The following DLC1 variants were observed in gnomAD, a reference collection of about 807,000 sequenced individuals.
DLC1 encodes rho GTPase-activating protein 7.
Under a neutral mutation model 140.3 loss-of-function variants are expected in DLC1, and 54 were observed. That is an observed-to-expected ratio of 0.38 (90% confidence interval 0.31 to 0.48). DLC1 has a LOEUF of 0.48. Ranked by LOEUF, DLC1 falls within the 20% of genes least tolerant of loss-of-function variation. DLC1 has a pLI of 0.96. For missense variants in DLC1, 2,536 were observed against 1,907.0 expected, an observed-to-expected ratio of 1.33 and a Z score of -6.14; for synonymous variants, 986 against 728.1, an observed-to-expected ratio of 1.35 and a Z score of -5.70.
In DLC1 at chr8:13,389,332, G is replaced by A. The variant is rs965325158; in HGVS notation, c.1314+4221C>T. Among the ~76,000 whole-genome samples the A allele has an allele frequency of 2.6e-5, 4 of 152,104 alleles. No individual in the cohort carries two copies. The East Asian group carries it at 7.7e-4, about 29-fold the overall frequency. ...AATACCAGGAACAACTCAAGCCACT[G>A]AAGAGAGTGATATCAGTGTACTGTT... is the stretch of plus-strand genomic sequence containing the variant. On this transcript the variant is annotated intron_variant, in intron 4 of 17. Transcript: ENST00000276297.
chr8:13,312,571 A>T (rs1832721268), intron 4 of DLC1, among the ~76,000 whole-genome samples: 1 of 151,860 alleles, frequency 6.6e-6, no homozygotes, highest in Non-Finnish European at 1.5e-5. Context: ...TCCTTTTCAG[A>T]ATTTAATAAA....
intron 5 of DLC1, among the ~76,000 whole-genome samples, chr8:13,301,228 A>AAT (rs1264844583): frequency 6.6e-6 from 1 of 152,160 alleles, no homozygotes; most frequent in Non-Finnish European, 1.5e-5. Context: ...ATAGACAAAA[A>AAT]AAAAAAAATC....
rs756551119 is a variant in DLC1 at position 13,479,838 on chromosome 8, G to GAAAAGGAAAAGAAAGAAAGAA, written c.1023+19210_1023+19211insTTCTTTCTTTCTTTTCCTTTT. Among the ~76,000 whole-genome samples the GAAAAGGAAAAGAAAGAAAGAA allele has an allele frequency of 2.8e-3, 61 of 21,730 alleles. 1 individual carries two copies. Among genetic ancestry groups the GAAAAGGAAAAGAAAGAAAGAA allele is most frequent in the Middle Eastern group, 0.045 (1 of 22 alleles). 14.3% of individuals were successfully genotyped at this position (21,730 alleles called of 152,430 possible). Reference sequence around the variant, plus strand: ...AGAAGAAGAAGAAGAAGAAGAAGAAGAAGAAGAAGAAGAAGAAGAAGAGAA... The same window carrying GAAAAGGAAAAGAAAGAAAGAA: ...AGAAGAAGAAGAAGAAGAAGAAGAAGAAAAGGAAAAGAAAGAAAGAAAAGAAGAAGAAGAAGAAGAAGAGAA... On this transcript the variant is annotated intron_variant, in intron 2 of 17. Coordinates refer to ENST00000276297, the MANE Select transcript of DLC1 (RefSeq NM_182643.3).
chr8:13,350,883 C>T (rs1834627033), intron 4 of DLC1, among the ~76,000 whole-genome samples: 1 of 152,214 alleles, frequency 6.6e-6, no homozygotes, highest in African/African-American at 2.4e-5. Context: ...AAGTATAATA[C>T]TCATTCTTTT....
At chr8:13,133,408 C>A (rs570077787) in intron 5 of DLC1, 3 of 687,778 alleles carry the variant, frequency 4.4e-6, no homozygotes, top group South Asian at 4.3e-5. Context: ...TAGCGACGGG[C>A]TGTTCTCCGG....
chr8:13,131,556 A>G (rs13255103), intron 5 of DLC1, among the ~76,000 whole-genome samples: 69,537 of 150,428 alleles, frequency 0.46, 16,207 homozygotes, highest in Admixed American at 0.56. Context: ...TGGGGATGGG[A>G]AAAGGTGGGG....
At chr8:13,522,039 T>C (rs1269882566) in intron 1 of DLC1, among the ~76,000 whole-genome samples, 1 of 152,106 alleles carries the variant, frequency 6.6e-6, no homozygotes, top group Non-Finnish European at 1.5e-5. Context: ...ATTTGTACTT[T>C]AACAGAAATT....
chr8:13,464,217 A>G (rs538970050), intron 2 of DLC1, among the ~76,000 whole-genome samples: 1 of 152,304 alleles, frequency 6.6e-6, no homozygotes, highest in South Asian at 2.1e-4. Context: ...TGTGTGGTGA[A>G]GAAGGCCAAG....
At chr8:13,131,466 C>T (rs1299047504) in intron 5 of DLC1, among the ~76,000 whole-genome samples, 1 of 152,172 alleles carries the variant, frequency 6.6e-6, no homozygotes, top group Non-Finnish European at 1.5e-5. Flanking sequence ...CCAGTAATCG[C>T]CGAAACAACC....
chr8:13,150,461 C>A (rs962594491), intron 5 of DLC1, among the ~76,000 whole-genome samples: 2 of 152,094 alleles, frequency 1.3e-5, no homozygotes, highest in Admixed American at 6.6e-5. Flanking sequence ...TAACAAGGAG[C>A]TATGGATGAG....
intron 1 of DLC1, among the ~76,000 whole-genome samples, chr8:13,538,303 C>A (rs1202344484): frequency 6.6e-6 from 1 of 151,450 alleles, no homozygotes; most frequent in African/African-American, 2.4e-5. Flanking sequence ...TATAAACTTT[C>A]GTGTAAATGG....
chr8:13,530,914 C>T (rs1198414814), intron 1 of DLC1, among the ~76,000 whole-genome samples: 3 of 152,138 alleles, frequency 2.0e-5, no homozygotes, highest in African/African-American at 7.2e-5. Context: ...ATTGTGTTCC[C>T]TGCAAACTTC....
intron 1 of DLC1, among the ~76,000 whole-genome samples, chr8:13,544,137 C>G (rs142727155): frequency 6.3e-4 from 95 of 151,560 alleles, no homozygotes; most frequent in African/African-American, 2.2e-3. Flanking sequence ...GTAAACAATG[C>G]ACATAAAATA....
intron 4 of DLC1, among the ~76,000 whole-genome samples, chr8:13,355,510 C>T (rs188555978): frequency 4.1e-4 from 62 of 152,280 alleles, no homozygotes; most frequent in Non-Finnish European, 7.8e-4. Context: ...GGGTTCTCCT[C>T]CTGGCTTGCA....
intron 1 of DLC1, among the ~76,000 whole-genome samples, chr8:13,534,800 G>T (rs1355412387): frequency 6.6e-6 from 1 of 152,124 alleles, no homozygotes; most frequent in Non-Finnish European, 1.5e-5. Flanking sequence ...TAAAGAGCTT[G>T]CTTTACATTT....
In DLC1 at chr8:13,438,523, C is replaced by A. The variant is rs77229809; in HGVS notation, c.1024-36904G>T. On this transcript the variant is annotated intron_variant, in intron 2 of 17. Coordinates refer to ENST00000276297, the MANE Select transcript of DLC1 (RefSeq NM_182643.3). ...CAACGCCTTCCTATCACCCCAAATC[C>A]TGATTTACTGTAGCTGAGAAGTTGT... Among the ~76,000 whole-genome samples, 879 of 152,202 alleles carry A rather than the reference C, an allele frequency of 5.8e-3. 12 individuals are homozygous for A. Among genetic ancestry groups the A allele is most frequent in the African/African-American group, 0.02 (844 of 41,538 alleles).
chr8:13,099,727 G>A lies in DLC1; in HGVS notation c.2610C>T (p.Ser870=), dbSNP rs776944727. The A allele has an allele frequency of 6.2e-7, 1 of 1,614,198 alleles. No individual in the cohort carries two copies. The highest frequency in any genetic ancestry group is 1.1e-5 in the South Asian group (1 of 91,084). ...PKELKRRNSS[S]SMSSRLSIYD... is the part of the protein sequence containing the mutation. ...AGATGCTCAGGCGGCTGCTCATGGA[G>A]CTGGAAGAATTGCGTCTCTTCAGTT... Residue 870 remains serine, a synonymous_variant, in exon 9 of 18, where the codon AGC becomes AGT. Transcript: ENST00000276297.
intron 4 of DLC1, chr8:13,353,570 A>G (rs1834777451): frequency 6.6e-6 from 1 of 152,216 alleles, no homozygotes; most frequent in South Asian, 2.1e-4. Context: ...TTAAAACAAC[A>G]ACAGGCCAGG....
At chr8:13,365,913 C>T (rs1022766509) in intron 4 of DLC1, among the ~76,000 whole-genome samples, 1 of 152,168 alleles carries the variant, frequency 6.6e-6, no homozygotes, top group Non-Finnish European at 1.5e-5. Flanking sequence ...AAGTCACTCA[C>T]AGCAGGCCTG....
Sources: allele counts gnomAD v4.1 joint callset (sites outside exome capture counted in the v4.1 genomes callset), GRCh38; gene constraint gnomAD v4.1.1; transcripts MANE v1.5; gene names NCBI Gene and HGNC (gene_info 2026-07-23, HGNC 2026-07-21).